Variants in ARID5A observed in about 807,000 individuals in gnomAD.
ARID5A encodes AT-rich interactive domain-containing protein 5A.
Under a neutral mutation model 30.5 loss-of-function variants are expected in ARID5A, and 14 were observed. That is an observed-to-expected ratio of 0.46 (90% CI 0.30 to 0.72). ARID5A has a LOEUF of 0.72. ARID5A is among the 30% of genes least tolerant of loss of function. The pLI is 0.07. For missense variants in ARID5A, 669 were observed against 786.2 expected, an observed-to-expected ratio of 0.85 and a Z score of 1.78; for synonymous variants, 338 against 340.4, an observed-to-expected ratio of 0.99 and a Z score of 0.08.
At position 96,552,018 on chromosome 2, in the gene ARID5A, C is replaced by T. The variant is rs746398296; in HGVS notation, c.1490C>T (p.Pro497Leu). ...GGCCCAGCCCTGGGGCCTGTGCCCC[C>T]AGAGGCCTACAGGGGCACCATGCTG... ...LLGPALGPVPPEAYRGTMLHC... is the reference protein window; with the variant it reads ...LLGPALGPVPLEAYRGTMLHC... Residue 497 changes from proline (P) to leucine (L), a missense_variant, in exon 7 of 7, where the codon CCA (proline) becomes CTA (leucine). Pro to Leu is a moderately conservative substitution (Grantham distance 98). This residue lies in a region of ARID5A where 548 missense variants were observed against 577.4 expected (regional missense o/e 0.95). Transcript: ENST00000357485. 3.9e-6 allele frequency: 6 copies of T among 1,528,268 alleles called. No individual in the cohort carries two copies. The highest frequency in any genetic ancestry group is 4.4e-6 in the Non-Finnish European group (5 of 1,138,782). 94.7% of individuals were successfully genotyped at this position (1,528,268 alleles called of 1,614,324 possible). A position where few individuals can be genotyped will look rare whatever the true frequency, so the allele number is the denominator to read the frequency against.
Position 96,552,058 on chromosome 2 carries a change from C to T in ARID5A, c.1530C>T (p.Asn510=). 1 of 1,575,972 alleles carries T rather than the reference C, an allele frequency of 6.3e-7. No individual in the cohort carries two copies. Among genetic ancestry groups the T allele is most frequent in the South Asian group, 1.2e-5 (1 of 84,888 alleles). Residue 510 remains asparagine, a synonymous_variant, in exon 7 of 7, where the codon AAC becomes AAT. Coordinates refer to ENST00000357485, the MANE Select transcript of ARID5A (RefSeq NM_212481.3). ...GCACCATGCTGCACTGCCCGCTGAA[C>T]TTCACTGGCACCCCGGGCCCCTTGA... ...YRGTMLHCPL[N]FTGTPGPLKG... is the part of the protein sequence containing the mutation.
chr2:96,538,209 A>G (rs1330114550), intron 1 of ARID5A: 5 of 985,446 alleles, frequency 5.1e-6, no homozygotes, highest in Non-Finnish European at 6.0e-6. Flanking sequence ...ATGGGAACAC[A>G]CGAAACCATC....
intron 1 of ARID5A, chr2:96,538,131 TC>T: frequency 3.0e-6 from 3 of 985,380 alleles, no homozygotes; most frequent in Non-Finnish European, 3.6e-6. Context: ...AGAAAGGGCC[TC>T]CGATAATCTG....
chr2:96,538,035 C>T (rs1479231934), intron 1 of ARID5A: 34 of 985,338 alleles, frequency 3.5e-5, no homozygotes, highest in South Asian at 2.8e-4. Flanking sequence ...GGTCGGGGCT[C>T]GAGGGCTTCA....
Position 96,549,342 on chromosome 2 carries a change from G to A in ARID5A, c.142G>A (p.Glu48Lys). 1.9e-6 allele frequency: 3 copies of A among 1,613,248 alleles called. No individual in the cohort carries two copies. Among genetic ancestry groups the A allele is most frequent in the Non-Finnish European group, 2.5e-6 (3 of 1,179,874 alleles). ...SLEDSPEAGG[E>K]REEEQEREEE... ...CCAGGACTCCCCCGAGGCAGGCGGG[G>A]AGCGGGAGGAGGAGCAGGAGCGGGA... Residue 48 changes from glutamate (E) to lysine (K), a missense_variant, in exon 3 of 7, where the codon GAG becomes AAG. By Grantham distance (56) the Glu-to-Lys change is moderately conservative. Around this residue, in one of 4 missense-constraint regions of ARID5A, gnomAD observed 56 missense variants for 72.8 expected, o/e 0.77. Transcript: ENST00000357485. The surrounding 1 kb of genome is among the most constrained non-coding windows in gnomAD (Gnocchi z 6.1).
rs56701259 is a variant in ARID5A at position 96,546,737 on chromosome 2, C to T, written c.5-665C>T. On this transcript the variant is annotated intron_variant, in intron 1 of 6. Transcript: ENST00000357485. Reference sequence around the variant, plus strand: ...CTTGTAGGTGAGGAGAGCATGTGGCCTTATTAGGGCAGTTAGAACTCTGCA... The same window carrying T: ...CTTGTAGGTGAGGAGAGCATGTGGCTTTATTAGGGCAGTTAGAACTCTGCA... 1.1e-4 allele frequency among the ~76,000 whole-genome samples: 17 copies of T among 152,326 alleles called. No homozygotes were observed. The East Asian group carries it at 1.5e-3, about 14-fold the overall frequency.
intron 1 of ARID5A, 72 bp downstream of exon 1, chr2:96,536,902 G>C (rs1414843439): frequency 8.2e-7 from 1 of 1,222,902 alleles, no homozygotes; most frequent in Non-Finnish European, 1.0e-6. Flanking sequence ...TGCCGGCGCC[G>C]GGTCCCCTCC....
chr2:96,536,770 T>A lies in ARID5A; in HGVS notation c.-57T>A. On this transcript the variant is annotated 5_prime_UTR_variant, in exon 1 of 7. Coordinates refer to ENST00000357485, the MANE Select transcript of ARID5A (RefSeq NM_212481.3). ...AGCCAGTATCTCAGAGAGCGCGGGG[T>A]CCGGACAGCCGCGCGCTGAGGGTCT... is the stretch of plus-strand genomic sequence containing the variant. 9.7e-7 allele frequency: 1 copy of A among 1,035,874 alleles called. No homozygotes were observed. Among genetic ancestry groups the A allele is most frequent in the Non-Finnish European group, 1.2e-6 (1 of 861,858 alleles). The allele number at this position is 1,035,874 out of a possible 1,614,324, so 64.2% of individuals were successfully genotyped here. A position where few individuals can be genotyped will look rare whatever the true frequency, so the allele number is the denominator to read the frequency against.
In ARID5A at chr2:96,537,466, GC is replaced by G. The variant is rs2065758209; in HGVS notation, c.4+640del. 6.6e-6 allele frequency: 1 copy of G among 152,510 alleles called. No homozygotes were observed. Among genetic ancestry groups the G allele is most frequent in the African/African-American group, 2.4e-5 (1 of 41,458 alleles). The allele number at this position is 152,510 out of a possible 1,614,324, so 9.4% of individuals were successfully genotyped here. A position where few individuals can be genotyped will look rare whatever the true frequency, so the allele number is the denominator to read the frequency against. On this transcript the variant is annotated intron_variant, in intron 1 of 6. Coordinates refer to ENST00000357485, the MANE Select transcript of ARID5A (RefSeq NM_212481.3). The surrounding 1 kb of genome is among the most constrained non-coding windows in gnomAD (Gnocchi z 4.8). ...CGGGGAGCCCGGCTTCTCGCCCCCTGCCCCTTCCTTCTCTTCCCTTTTCTCT... is the reference window on the plus strand; with the variant it reads ...CGGGGAGCCCGGCTTCTCGCCCCCTGCCCTTCCTTCTCTTCCCTTTTCTCT...
rs1244859534 is a variant in ARID5A at position 96,537,815 on chromosome 2, CA to C, written c.4+986del. ...CCGGCGTGGTGGGGCTTGCGCGGTG[CA>C]GGACCCCCGAGGGCCCAGGGGGTCC... On this transcript the variant is annotated intron_variant, in intron 1 of 6. Coordinates refer to ENST00000357485, the MANE Select transcript of ARID5A (RefSeq NM_212481.3). This position sits in a 1 kb window ranked among gnomAD's most constrained non-coding sequence, Gnocchi z 4.8. 42 of 964,350 alleles carry C rather than the reference CA, an allele frequency of 4.4e-5. No homozygotes were observed. Among genetic ancestry groups the C allele is most frequent in the Non-Finnish European group, 5.1e-5 (41 of 810,836 alleles). The allele number at this position is 964,350 out of a possible 1,614,324, so 59.7% of individuals were successfully genotyped here. A position where few individuals can be genotyped will look rare whatever the true frequency, so the allele number is the denominator to read the frequency against.
chr2:96,547,313 T>A, intron 1 of ARID5A, 89 bp from the exon 2 acceptor site: 3 of 1,119,414 alleles, frequency 2.7e-6, no homozygotes, highest in Non-Finnish European at 3.9e-6. Flanking sequence ...CAATTGGGAG[T>A]AGGGAGAGTG....
intron 1 of ARID5A, among the ~76,000 whole-genome samples, chr2:96,544,046 CAA>C (rs1343598181): frequency 6.6e-6 from 1 of 152,222 alleles, no homozygotes; most frequent in Non-Finnish European, 1.5e-5. Context: ...TCCCTTAAGA[CAA>C]AGCCTAATCC....
chr2:96,552,117 TCATCCCGGC>T lies in ARID5A; in HGVS notation c.1591_1599del (p.Ile531_Ala533del). ...GCTGCACTCCCCTTCAGCCCCCTGG[TCATCCCGGC>T]CTTCCCGGCCCACTTCCTGGCCACC... On this transcript the variant is annotated inframe_deletion, in exon 7 of 7. Transcript: ENST00000357485. 6.2e-7 allele frequency: 1 copy of T among 1,609,990 alleles called. No homozygotes were observed. The highest frequency in any genetic ancestry group is 8.5e-7 in the Non-Finnish European group (1 of 1,178,372).
rs373813131 is a variant in ARID5A at position 96,549,103 on chromosome 2, C to T, written c.121-218C>T. Among the ~76,000 whole-genome samples, 9 of 152,194 alleles carry T rather than the reference C, an allele frequency of 5.9e-5. No individual in the cohort carries two copies. The highest frequency in any genetic ancestry group is 2.2e-4 in the African/African-American group (9 of 41,446). ...TGGGGTACCCAGCCTCCGGGGAGGTCCTGGACTCTAGCTCCTGTCCTGGGG... is the reference window on the plus strand; with the variant it reads ...TGGGGTACCCAGCCTCCGGGGAGGTTCTGGACTCTAGCTCCTGTCCTGGGG... On this transcript the variant is annotated intron_variant, in intron 2 of 6. Coordinates refer to ENST00000357485, the MANE Select transcript of ARID5A (RefSeq NM_212481.3). The surrounding 1 kb of genome is among the most constrained non-coding windows in gnomAD (Gnocchi z 6.1).
intron 1 of ARID5A, among the ~76,000 whole-genome samples, chr2:96,545,139 C>CT (rs1253795448): frequency 4.2e-5 from 6 of 143,604 alleles, no homozygotes; most frequent in African/African-American, 1.5e-4. Context: ...CTTTCCTTTT[C>CT]TTTTCTTTTT....
rs1251020268 is a variant in ARID5A at position 96,552,267 on chromosome 2, C to A, written c.1739C>A (p.Thr580Lys). Residue 580 changes from threonine to lysine, a missense_variant, in exon 7 of 7, where the codon ACA becomes AAA. Around this residue, in one of 4 missense-constraint regions of ARID5A, gnomAD observed 548 missense variants for 577.4 expected, o/e 0.95. Coordinates refer to ENST00000357485, the MANE Select transcript of ARID5A (RefSeq NM_212481.3). ...ASSAWHAPPVTTYAAPHFFHL... is the reference protein window; with the variant it reads ...ASSAWHAPPVKTYAAPHFFHL... ...TCTGCCTGGCACGCACCACCAGTCA[C>A]AACCTATGCAGCGCCCCACTTCTTC... 1.9e-6 allele frequency: 3 copies of A among 1,612,990 alleles called. No individual in the cohort carries two copies. The highest frequency in any genetic ancestry group is 1.7e-5 in the Admixed American group (1 of 59,968).
In ARID5A at chr2:96,552,108, G is replaced by A. The variant is rs781516996; in HGVS notation, c.1580G>A (p.Ser527Asn). The change falls in exon 7 of 7, where the codon AGC (serine) becomes AAC (asparagine). Residue 527 changes from serine (S) to asparagine (N), a missense_variant. By Grantham distance (46) the Ser-to-Asn change is conservative. Transcript: ENST00000357485. ...PLKGQAALPF[S>N]PLVIPAFPAH... The stretch of plus-strand genomic sequence containing the variant: ...AAGGGCCAGGCTGCACTCCCCTTCA[G>A]CCCCCTGGTCATCCCGGCCTTCCCG... The A allele has an allele frequency of 6.2e-7, 1 of 1,606,840 alleles. No individual in the cohort carries two copies.
intron 1 of ARID5A, among the ~76,000 whole-genome samples, chr2:96,545,124 T>TTTTTCTTTCCTTTTC (rs2065905070): frequency 1.3e-5 from 2 of 151,804 alleles, no homozygotes; most frequent in Non-Finnish European, 2.9e-5. Context: ...TTCTTCTTTT[T>TTTTTCTTTCCTTTTC]TTTTCTTTCC....
chr2:96,550,003 G>A lies in ARID5A; in HGVS notation c.313-185G>A. Reference sequence around the variant, plus strand: ...TCCCCATCTGTTCTGCCCGCCCCGTGTTGGGAAAACTGCTTGGGCCAGCAG... The same window carrying A: ...TCCCCATCTGTTCTGCCCGCCCCGTATTGGGAAAACTGCTTGGGCCAGCAG... On this transcript the variant is annotated intron_variant, in intron 4 of 6. Coordinates refer to ENST00000357485, the MANE Select transcript of ARID5A (RefSeq NM_212481.3). This position sits in a 1 kb window ranked among gnomAD's most constrained non-coding sequence, Gnocchi z 6.6. The A allele has an allele frequency of 6.5e-7, 1 of 1,534,500 alleles. No homozygotes were observed. Among genetic ancestry groups the A allele is most frequent in the South Asian group, 1.2e-5 (1 of 83,052 alleles).
Sources: gnomAD v4.1 joint callset for allele counts (sites outside exome capture counted in the v4.1 genomes callset) on GRCh38, gnomAD v4.1.1 for gene constraint, gnomAD v4.1.1 regional missense constraint, Gnocchi (gnomAD v3.1) non-coding constraint, MANE v1.5 for transcripts, NCBI Gene and HGNC (gene_info 2026-07-23, HGNC 2026-07-21) for gene names.